The following ENPP3 variants were observed in gnomAD, a reference collection of about 807,000 sequenced individuals.
ENPP3 encodes the protein ectonucleotide pyrophosphatase/phosphodiesterase 3.
ENPP3 carries 104 observed loss-of-function variants against 117.8 expected under a neutral mutation model. The observed-to-expected ratio is 0.88, with a 90% CI of 0.75 to 1.04. ENPP3 has a LOEUF of 1.04. Among genes scored for constraint, ENPP3 ranks in the 50% least tolerant of loss-of-function variants. The pLI, the probability that ENPP3 is intolerant of heterozygous loss-of-function variation, is 0.00. For missense variants in ENPP3, 1,026 were observed against 1,051.9 expected (o/e 0.98, Z 0.34); for synonymous variants, 380 against 349.9 (o/e 1.09, Z -0.96).
chr6:131,684,066 T>C (rs780065101), intron 12 of ENPP3, among the ~76,000 whole-genome samples: 5 of 152,180 alleles, frequency 3.3e-5, no homozygotes, highest in Admixed American at 6.5e-5. Flanking sequence ...AGATATTTTT[T>C]TAAGTGCCTA....
chr6:131,662,621 T>G (rs1041094542), intron 6 of ENPP3, among the ~76,000 whole-genome samples: 5 of 152,196 alleles, frequency 3.3e-5, no homozygotes, highest in Non-Finnish European at 7.3e-5. Flanking sequence ...TTTTAATATA[T>G]TTTGAAATCA....
chr6:131,638,564 CAG>C, intron 1 of ENPP3: 1 of 394,154 alleles, frequency 2.5e-6, no homozygotes, highest in Admixed American at 3.7e-5. Flanking sequence ...CCACAAGGCT[CAG>C]CTAAGTTTTT....
chr6:131,723,825 T>TCACA (rs780029112), intron 18 of ENPP3, among the ~76,000 whole-genome samples: 267 of 140,866 alleles, frequency 1.9e-3, no homozygotes, highest in Non-Finnish European at 2.8e-3. Flanking sequence ...TCTCTCTCTC[T>TCACA]CTCACACACA....
chr6:131,741,919 A>G (rs1025886118), intron 24 of ENPP3, among the ~76,000 whole-genome samples: 1 of 152,168 alleles, frequency 6.6e-6, no homozygotes, highest in Non-Finnish European at 1.5e-5. Context: ...GCTGTGCACT[A>G]TAGGAGGTGC....
intron 14 of ENPP3, 26 bp from the exon 15 acceptor site, chr6:131,693,471 T>G (rs766202764): frequency 6.3e-7 from 1 of 1,597,754 alleles, no homozygotes; most frequent in African/African-American, 1.3e-5. Context: ...TTATGTATCA[T>G]AAAGAAATAT....
chr6:131,661,231 T>C (rs1778493052), intron 6 of ENPP3, among the ~76,000 whole-genome samples: 1 of 152,154 alleles, frequency 6.6e-6, no homozygotes, highest in Non-Finnish European at 1.5e-5. Context: ...TCAACCCTTT[T>C]GGATACTCAA....
chr6:131,683,962 C>A (rs999960964), intron 12 of ENPP3, among the ~76,000 whole-genome samples: 4 of 151,892 alleles, frequency 2.6e-5, no homozygotes, highest in Non-Finnish European at 5.9e-5. Flanking sequence ...CGTGTTAGCC[C>A]GGTTAGTCTC....
At chr6:131,726,271 A>G in intron 20 of ENPP3, 71 bp downstream of exon 20, 1 of 1,449,490 alleles carries the variant, frequency 6.9e-7, no homozygotes, top group Non-Finnish European at 9.5e-7. Context: ...TAAGAGTTGA[A>G]TTTTGTTTTG....
At chr6:131,667,719 T>C (rs1378898082) in intron 6 of ENPP3, among the ~76,000 whole-genome samples, 2 of 152,236 alleles carry the variant, frequency 1.3e-5, no homozygotes, top group African/African-American at 2.4e-5. Context: ...ACTGGTGTTA[T>C]ACTTGCCTGG....
At chr6:131,667,340 G>A (rs1221379381) in intron 6 of ENPP3, among the ~76,000 whole-genome samples, 1 of 152,098 alleles carries the variant, frequency 6.6e-6, no homozygotes, top group Non-Finnish European at 1.5e-5. Context: ...TGGGGCATTG[G>A]ACACTTAGTG....
chr6:131,639,847 C>T (rs879335930), intron 1 of ENPP3, among the ~76,000 whole-genome samples: 7 of 152,122 alleles, frequency 4.6e-5, no homozygotes, highest in South Asian at 2.1e-4. Flanking sequence ...ACTTCTTAGG[C>T]GGGGCACAGT....
At chr6:131,745,734 G>A (rs1362049429) in intron 24 of ENPP3, among the ~76,000 whole-genome samples, 1 of 152,170 alleles carries the variant, frequency 6.6e-6, no homozygotes, top group Non-Finnish European at 1.5e-5. Flanking sequence ...AAGATGTGGG[G>A]AAATGGGAAT....
chr6:131,671,422 TA>T (rs1181136886), intron 7 of ENPP3, 95 bp downstream of exon 7: 11 of 765,114 alleles, frequency 1.4e-5, no homozygotes, highest in Non-Finnish European at 2.3e-5. Context: ...TTCTGTGACT[TA>T]CCCTTCTGAA....
intron 12 of ENPP3, among the ~76,000 whole-genome samples, chr6:131,685,035 C>T (rs897920068): frequency 2.6e-5 from 4 of 152,178 alleles, no homozygotes; most frequent in African/African-American, 9.7e-5. Flanking sequence ...GTTCCCCCCT[C>T]AGCCTCCCAA....
In ENPP3 at chr6:131,659,268, T is replaced by G. The variant is rs1051414931; in HGVS notation, c.562+848T>G. 2.6e-5 allele frequency among the ~76,000 whole-genome samples: 4 copies of G among 151,922 alleles called. No individual in the cohort carries two copies. The South Asian group carries it at 8.3e-4, about 32-fold the overall frequency. On this transcript the variant is annotated intron_variant, in intron 6 of 24. Transcript: ENST00000357639. ...TTTGAGACCAGCCTGGGCAACATAG[T>G]GAGACCTCATCTCTATTTAATAATA...
intron 6 of ENPP3, among the ~76,000 whole-genome samples, chr6:131,662,366 A>G (rs1010432762): frequency 1.3e-5 from 2 of 152,052 alleles, no homozygotes; most frequent in Non-Finnish European, 2.9e-5. Flanking sequence ...CAGCCTCCTA[A>G]GTAGTTGAGA....
intron 15 of ENPP3, among the ~76,000 whole-genome samples, chr6:131,701,907 A>AG (rs1487868918): frequency 1.6e-4 from 24 of 152,100 alleles, no homozygotes; most frequent in African/African-American, 5.5e-4. Flanking sequence ...AAGAAAAGAA[A>AG]AAAAAAACGC....
At chr6:131,695,282 C>T (rs1053675584) in intron 15 of ENPP3, among the ~76,000 whole-genome samples, 1 of 152,138 alleles carries the variant, frequency 6.6e-6, no homozygotes, top group Non-Finnish European at 1.5e-5. Flanking sequence ...CAAGTTAGGT[C>T]ACTGGTACAG....
chr6:131,702,533 T>G (rs977086454), intron 15 of ENPP3, among the ~76,000 whole-genome samples: 2 of 151,910 alleles, frequency 1.3e-5, no homozygotes, highest in African/African-American at 4.8e-5. Flanking sequence ...CAGTAACTTT[T>G]GTTGGATTTG....
Sources: allele counts gnomAD v4.1 joint callset (sites outside exome capture counted in the v4.1 genomes callset), GRCh38; gene constraint gnomAD v4.1.1; transcripts MANE v1.5; gene names NCBI Gene and HGNC (gene_info 2026-07-23, HGNC 2026-07-21).